ZMAT4: variants seen among roughly 807,000 people sequenced by gnomAD.
The protein encoded by ZMAT4 is zinc finger matrin-type protein 4.
In ZMAT4, 17 loss-of-function variants were observed where a neutral mutation model predicts 28.7. The observed-to-expected ratio is 0.59, with a 90% CI of 0.41 to 0.89. The LOEUF (loss-of-function observed/expected upper bound fraction) is 0.89, where lower values mean the gene tolerates loss of function less well. Ranked by LOEUF, ZMAT4 falls within the 40% of genes least tolerant of loss-of-function variation. The probability of loss-of-function intolerance (pLI) is 0.00; values close to 1 mark genes in which losing one functional copy is unlikely to be tolerated. For missense variants in ZMAT4, 240 were observed against 283.8 expected (o/e 0.85, Z 1.11); for synonymous variants, 117 against 109.2 (o/e 1.07, Z -0.44).
intron 1 of ZMAT4, among the ~76,000 whole-genome samples, chr8:40,841,290 A>C (rs145547540): frequency 4.6e-5 from 7 of 152,272 alleles, no homozygotes; most frequent in Non-Finnish European, 8.8e-5. Flanking sequence ...AACCTGAGTA[A>C]CTGCTAACTC....
intron 2 of ZMAT4, among the ~76,000 whole-genome samples, chr8:40,776,930 T>C (rs547917555): frequency 2.6e-5 from 4 of 152,052 alleles, no homozygotes; most frequent in South Asian, 2.1e-4. Context: ...TCTTTCTTTT[T>C]TTTTTTTTTG....
intron 3 of ZMAT4, among the ~76,000 whole-genome samples, chr8:40,697,909 G>A (rs1012557698): frequency 5.9e-5 from 9 of 152,108 alleles, no homozygotes; most frequent in African/African-American, 2.2e-4. Flanking sequence ...ATTGAGCCTG[G>A]CATGGTGAAG....
chr8:40,666,023 G>A (rs983964789), intron 5 of ZMAT4, among the ~76,000 whole-genome samples: 1 of 152,072 alleles, frequency 6.6e-6, no homozygotes, highest in Non-Finnish European at 1.5e-5. Flanking sequence ...AAATAACTGT[G>A]CATTTTTCCA....
At chr8:40,866,363 G>A (rs998038489) in intron 1 of ZMAT4, among the ~76,000 whole-genome samples, 6 of 152,328 alleles carry the variant, frequency 3.9e-5, no homozygotes, top group East Asian at 1.9e-4. Context: ...AAACATTTCC[G>A]CTAATAGCTG....
At chr8:40,874,391 GAAGA>G (rs1354353190) in intron 1 of ZMAT4, among the ~76,000 whole-genome samples, 1 of 152,204 alleles carries the variant, frequency 6.6e-6, no homozygotes, top group Non-Finnish European at 1.5e-5. Context: ...AGTGGGTTCT[GAAGA>G]AAGTGTTTGT....
intron 1 of ZMAT4, among the ~76,000 whole-genome samples, chr8:40,862,873 G>A (rs1817554584): frequency 6.6e-6 from 1 of 151,648 alleles, no homozygotes; most frequent in South Asian, 2.1e-4. Context: ...TAATGTAAAT[G>A]ATGAGTTAAT....
intron 5 of ZMAT4, among the ~76,000 whole-genome samples, chr8:40,595,635 C>T (rs1164086508): frequency 2.6e-5 from 4 of 152,002 alleles, no homozygotes; most frequent in East Asian, 3.9e-4. Flanking sequence ...CTAAACATAC[C>T]TAAGCACAGA....
intron 1 of ZMAT4, among the ~76,000 whole-genome samples, chr8:40,861,882 AC>A (rs1447052722): frequency 1.3e-5 from 2 of 152,168 alleles, no homozygotes; most frequent in Non-Finnish European, 2.9e-5. Flanking sequence ...ACCATCTCAC[AC>A]CAGTTAGAAT....
chr8:40,835,552 CA>C (rs1816448177), intron 1 of ZMAT4, among the ~76,000 whole-genome samples: 1 of 152,154 alleles, frequency 6.6e-6, no homozygotes. Context: ...TACATGCCTT[CA>C]AAAATACAGT....
chr8:40,552,027 C>A (rs368028423), intron 6 of ZMAT4, among the ~76,000 whole-genome samples: 1 of 152,130 alleles, frequency 6.6e-6, no homozygotes, highest in Admixed American at 6.6e-5. Context: ...CAACAAATGC[C>A]GGCTGAATCA....
chr8:40,621,162 G>A (rs1035047760), intron 5 of ZMAT4, among the ~76,000 whole-genome samples: 2 of 152,178 alleles, frequency 1.3e-5, no homozygotes, highest in Non-Finnish European at 2.9e-5. Context: ...CCCTACCAGC[G>A]AGGGAGTGGA....
chr8:40,695,948 G>A (rs1402954413), intron 4 of ZMAT4, among the ~76,000 whole-genome samples: 1 of 152,032 alleles, frequency 6.6e-6, no homozygotes, highest in African/African-American at 2.4e-5. Flanking sequence ...ATTAATTCAT[G>A]GAAAACAGGT....
intron 3 of ZMAT4, among the ~76,000 whole-genome samples, chr8:40,718,907 A>C (rs1189320556): frequency 1.3e-5 from 2 of 152,136 alleles, no homozygotes; most frequent in Non-Finnish European, 2.9e-5. Flanking sequence ...TAAATTTCTG[A>C]CATATATACA....
At chr8:40,871,355 C>T (rs543572866) in intron 1 of ZMAT4, among the ~76,000 whole-genome samples, 1 of 152,318 alleles carries the variant, frequency 6.6e-6, no homozygotes, top group East Asian at 1.9e-4. Context: ...TCTTTCTTTT[C>T]TCTTTCCTCC....
chr8:40,796,361 A>C (rs1814599679), intron 2 of ZMAT4, among the ~76,000 whole-genome samples: 1 of 152,204 alleles, frequency 6.6e-6, no homozygotes, highest in Non-Finnish European at 1.5e-5. Context: ...TACTCAGATC[A>C]GTACTGAAAA....
At chr8:40,726,856 C>T (rs1811334929) in intron 3 of ZMAT4, among the ~76,000 whole-genome samples, 1 of 152,182 alleles carries the variant, frequency 6.6e-6, no homozygotes, top group African/African-American at 2.4e-5. Flanking sequence ...CTCTTGGGGG[C>T]TTGGGCTAAT....
At chr8:40,797,112 G>C (rs1814631737) in intron 2 of ZMAT4, among the ~76,000 whole-genome samples, 1 of 152,158 alleles carries the variant, frequency 6.6e-6, no homozygotes, top group Non-Finnish European at 1.5e-5. Flanking sequence ...TCCACCTGGA[G>C]TGTCCTTTTC....
intron 5 of ZMAT4, among the ~76,000 whole-genome samples, chr8:40,662,803 G>C (rs533457370): frequency 1.3e-5 from 2 of 152,072 alleles, no homozygotes; most frequent in African/African-American, 4.8e-5. Flanking sequence ...CCTTGTCAAG[G>C]TGTCTTTGAG....
chr8:40,829,388 T>C (rs1184844497), intron 1 of ZMAT4, among the ~76,000 whole-genome samples: 1 of 152,226 alleles, frequency 6.6e-6, no homozygotes, highest in East Asian at 1.9e-4. Flanking sequence ...CCACCCGATG[T>C]GGACGCAGTA....
Sources: allele counts gnomAD v4.1 joint callset (sites outside exome capture counted in the v4.1 genomes callset), GRCh38; gene constraint gnomAD v4.1.1; transcripts MANE v1.5; gene names NCBI Gene and HGNC (gene_info 2026-07-23, HGNC 2026-07-21).